Variants in TBPL1 observed in about 807,000 individuals in gnomAD.
TBPL1 encodes the protein TATA box-binding protein-like 1.
In TBPL1, 4 loss-of-function variants were observed where a neutral mutation model predicts 22.1. That is an observed-to-expected ratio of 0.18 (90% CI 0.09 to 0.41). TBPL1 has a LOEUF of 0.41. Among genes scored for constraint, TBPL1 ranks in the 10% least tolerant of loss-of-function variants. The pLI, the probability that TBPL1 is intolerant of heterozygous loss-of-function variation, is 1.00. For missense variants in TBPL1, 115 were observed against 222.3 expected, an observed-to-expected ratio of 0.52 and a Z score of 3.07; for synonymous variants, 64 against 71.0, an observed-to-expected ratio of 0.90 and a Z score of 0.50.
Position 133,979,458 on chromosome 6 carries a change from A to G in TBPL1, c.-44-624A>G, listed in dbSNP as rs553304766. Reference sequence around the variant, plus strand: ...AACGTGGTGCATTTGGGGATTTGTCATTACTGTGGTACACCTGGAACGTAG... The same window carrying G: ...AACGTGGTGCATTTGGGGATTTGTCGTTACTGTGGTACACCTGGAACGTAG... On this transcript the variant is annotated intron_variant, in intron 1 of 6. Coordinates refer to ENST00000237264, the MANE Select transcript of TBPL1 (RefSeq NM_004865.4). Among the ~76,000 whole-genome samples the G allele has an allele frequency of 5.9e-5, 9 of 152,266 alleles. No individual in the cohort carries two copies. The South Asian group carries it at 1.7e-3, about 28-fold the overall frequency.
intron 1 of TBPL1, among the ~76,000 whole-genome samples, chr6:133,976,892 C>T (rs1162777397): frequency 6.6e-6 from 1 of 150,850 alleles, no homozygotes; most frequent in Non-Finnish European, 1.5e-5. Context: ...TGCTTGAATC[C>T]AGGAGGCGGA....
chr6:133,971,721 T>TG (rs1429125836), intron 1 of TBPL1, among the ~76,000 whole-genome samples: 24 of 152,138 alleles, frequency 1.6e-4, no homozygotes, highest in African/African-American at 5.3e-4. Flanking sequence ...TGTTGGCCAT[T>TG]GGTATGTCTT....
chr6:133,965,002 AC>A (rs1478205701), intron 1 of TBPL1, among the ~76,000 whole-genome samples: 1 of 152,190 alleles, frequency 6.6e-6, no homozygotes, highest in Non-Finnish European at 1.5e-5. Flanking sequence ...CTGCATTCAC[AC>A]CCTTGAAATA....
At chr6:133,969,218 C>A (rs755129806) in intron 1 of TBPL1, among the ~76,000 whole-genome samples, 2 of 147,520 alleles carry the variant, frequency 1.4e-5, no homozygotes, top group African/African-American at 5.0e-5. Context: ...GACACCATTA[C>A]AAATAATGTC....
At chr6:133,962,973 G>T (rs1562656652) in intron 1 of TBPL1, among the ~76,000 whole-genome samples, 1 of 152,208 alleles carries the variant, frequency 6.6e-6, no homozygotes, top group East Asian at 1.9e-4. Flanking sequence ...ATAGGACATG[G>T]CAAGGGAGCA....
chr6:133,970,027 C>T (rs966366729), intron 1 of TBPL1, among the ~76,000 whole-genome samples: 3 of 152,182 alleles, frequency 2.0e-5, no homozygotes, highest in African/African-American at 7.2e-5. Flanking sequence ...TTGTGCCACT[C>T]CTAACTGTTG....
chr6:133,984,111 A>T (rs1776465507), intron 4 of TBPL1, among the ~76,000 whole-genome samples: 1 of 152,136 alleles, frequency 6.6e-6, no homozygotes, highest in Non-Finnish European at 1.5e-5. Flanking sequence ...TTAAAGTATT[A>T]AAAAATTAAA....
At chr6:133,979,819 G>A (rs1308008319) in intron 1 of TBPL1, among the ~76,000 whole-genome samples, 1 of 151,856 alleles carries the variant, frequency 6.6e-6, no homozygotes, top group Non-Finnish European at 1.5e-5. Context: ...GCTAATTTTT[G>A]TATTTTTAGT....
rs186203922 is a variant in TBPL1, at chr6:133,974,941, C to T, written c.-44-5141C>T. ...AGGGATAATGAAAACACATATCCAA[C>T]TTCAGTCACACCTAAGACACTGGGT... On this transcript the variant is annotated intron_variant, in intron 1 of 6. Coordinates refer to ENST00000237264, the MANE Select transcript of TBPL1 (RefSeq NM_004865.4). 9.1e-4 allele frequency among the ~76,000 whole-genome samples: 139 copies of T among 152,274 alleles called. No individual in the cohort carries two copies. The South Asian group carries it at 9.3e-3, about 10-fold the overall frequency.
At position 133,987,684 on chromosome 6, in the gene TBPL1, G is replaced by A. The variant is rs1421046118; in HGVS notation, c.*644G>A. On this transcript the variant is annotated 3_prime_UTR_variant, in exon 7 of 7. Transcript: ENST00000237264. ...TATATATATGCACCACATGTGTATA[G>A]TATCTTTTAATGCTCTGTTACCAAA... 1 of 141,056 alleles carries A rather than the reference G, an allele frequency of 7.1e-6. No homozygotes were observed. Among genetic ancestry groups the A allele is most frequent in the African/African-American group, 2.6e-5 (1 of 37,994 alleles). 8.7% of individuals were successfully genotyped at this position (141,056 alleles called of 1,614,324 possible).
Position 133,988,537 on chromosome 6 carries a change from C to A in TBPL1, c.*1497C>A, listed in dbSNP as rs370572200. 7 of 152,142 alleles carry A rather than the reference C, an allele frequency of 4.6e-5. No individual in the cohort carries two copies. Among genetic ancestry groups the A allele is most frequent in the African/African-American group, 1.7e-4 (7 of 41,438 alleles). 9.4% of individuals were successfully genotyped at this position (152,142 alleles called of 1,614,324 possible). Reference sequence around the variant, plus strand: ...TAATCTCCATATATAGTACATTTTCCTTACTGTATTATAAAATCTTGAAAA... The same window carrying A: ...TAATCTCCATATATAGTACATTTTCATTACTGTATTATAAAATCTTGAAAA... On this transcript the variant is annotated 3_prime_UTR_variant, in exon 7 of 7. Coordinates refer to ENST00000237264, the MANE Select transcript of TBPL1 (RefSeq NM_004865.4).
At chr6:133,975,105 C>T (rs983947411) in intron 1 of TBPL1, among the ~76,000 whole-genome samples, 6 of 151,884 alleles carry the variant, frequency 4.0e-5, no homozygotes, top group East Asian at 3.9e-4. Flanking sequence ...TGGACATGGG[C>T]AAAAAATTCA....
At chr6:133,984,709 GATTGA>G in intron 6 of TBPL1, 38 bp downstream of exon 6, 1 of 1,480,564 alleles carries the variant, frequency 6.8e-7, no homozygotes, top group Non-Finnish European at 9.4e-7. Context: ...ATCAATTATG[GATTGA>G]ATGATACAAG....
intron 1 of TBPL1, among the ~76,000 whole-genome samples, chr6:133,971,722 G>C (rs1276821827): frequency 1.3e-5 from 2 of 151,642 alleles, no homozygotes; most frequent in Non-Finnish European, 2.9e-5. Flanking sequence ...GTTGGCCATT[G>C]GTATGTCTTC....
intron 1 of TBPL1, among the ~76,000 whole-genome samples, chr6:133,956,196 G>T (rs908060081): frequency 1.3e-5 from 2 of 152,148 alleles, no homozygotes; most frequent in Non-Finnish European, 2.9e-5. Context: ...ATTTTTAGAA[G>T]AATTTATAGT....
At chr6:133,962,095 G>A (rs532481602) in intron 1 of TBPL1, among the ~76,000 whole-genome samples, 17 of 152,278 alleles carry the variant, frequency 1.1e-4, no homozygotes, top group Admixed American at 7.2e-4. Context: ...CCGCGAAACA[G>A]TCTGTTATTG....
chr6:133,954,733 C>G (rs1294524006), intron 1 of TBPL1, among the ~76,000 whole-genome samples: 1 of 152,150 alleles, frequency 6.6e-6, no homozygotes. Flanking sequence ...TTCCCCACCC[C>G]TTTTGTTAAA....
chr6:133,971,610 T>A (rs1776223116), intron 1 of TBPL1, among the ~76,000 whole-genome samples: 1 of 152,078 alleles, frequency 6.6e-6, no homozygotes, highest in South Asian at 2.1e-4. Context: ...TTGTTTGTTT[T>A]TTTATAATAG....
intron 1 of TBPL1, among the ~76,000 whole-genome samples, chr6:133,976,967 CAAAAAAAAA>C (rs537206851): frequency 0.021 from 1,329 of 62,228 alleles, 28 homozygotes; most frequent in African/African-American, 0.071. Flanking sequence ...GACTTGGTCT[CAAAAAAAAA>C]AAAAAAGAAA....
Sources: gnomAD v4.1 joint callset for allele counts (sites outside exome capture counted in the v4.1 genomes callset) on GRCh38, gnomAD v4.1.1 for gene constraint, MANE v1.5 for transcripts, NCBI Gene and HGNC (gene_info 2026-07-23, HGNC 2026-07-21) for gene names.